CACNG3: variants seen among roughly 807,000 people sequenced by gnomAD.
CACNG3 encodes voltage-dependent calcium channel gamma-3 subunit.
Under a neutral mutation model 28.5 loss-of-function variants are expected in CACNG3, and 3 were observed. The ratio of observed to expected loss-of-function variants is 0.11; its 90% CI spans 0.05 to 0.27. The LOEUF (loss-of-function observed/expected upper bound fraction) is 0.27, where lower values mean the gene tolerates loss of function less well. Among genes scored for constraint, CACNG3 ranks in the 10% least tolerant of loss-of-function variants. CACNG3 has a pLI of 1.00. For synonymous variants in CACNG3, 174 were observed against 162.2 expected (o/e 1.07, Z -0.55); for missense variants, 236 against 414.4 (o/e 0.57, Z 3.74).
intron 2 of CACNG3, among the ~76,000 whole-genome samples, chr16:24,352,511 T>C (rs1338475094): frequency 4.9e-5 from 7 of 142,718 alleles, no homozygotes; most frequent in Non-Finnish European, 1.1e-4. Flanking sequence ...GCCTGGGTTA[T>C]GGGGTTTTTT....
intron 1 of CACNG3, among the ~76,000 whole-genome samples, chr16:24,328,296 G>T (rs1899584860): frequency 6.6e-6 from 1 of 151,412 alleles, no homozygotes; most frequent in Non-Finnish European, 1.5e-5. Flanking sequence ...TGAGGCTGAG[G>T]GTGCTCGTGC....
intron 1 of CACNG3, among the ~76,000 whole-genome samples, chr16:24,276,054 G>A (rs1567208465): frequency 2.0e-5 from 3 of 152,148 alleles, no homozygotes; most frequent in Non-Finnish European, 2.9e-5. Context: ...TTCAAATACT[G>A]CTCTATTTGT....
chr16:24,293,583 T>G lies in CACNG3; in HGVS notation c.211+36618T>G, dbSNP rs562338103. ...CTAAGAAACTATGTCAGAATACAAT[T>G]GAGTGACAATAGAACCCGCCCTCAT... On this transcript the variant is annotated intron_variant, in intron 1 of 3. Coordinates refer to ENST00000005284, the MANE Select transcript of CACNG3 (RefSeq NM_006539.4). Among the ~76,000 whole-genome samples, 64 of 152,290 alleles carry G rather than the reference T, an allele frequency of 4.2e-4. 1 individual carries two copies. The highest frequency in any genetic ancestry group is 7.1e-4 in the Non-Finnish European group (48 of 68,026).
chr16:24,273,282 C>T (rs573405747), intron 1 of CACNG3, among the ~76,000 whole-genome samples: 200 of 152,088 alleles, frequency 1.3e-3, no homozygotes, highest in Non-Finnish European at 2.2e-3. Context: ...ATGTTCATCC[C>T]TCTATTTCTT....
chr16:24,356,022 C>T (rs1258727668), intron 3 of CACNG3, among the ~76,000 whole-genome samples: 1 of 152,172 alleles, frequency 6.6e-6, no homozygotes, highest in East Asian at 1.9e-4. Flanking sequence ...CTCCCTCCAC[C>T]TCCATCCCTT....
intron 1 of CACNG3, among the ~76,000 whole-genome samples, chr16:24,337,071 C>T (rs558828771): frequency 6.6e-6 from 1 of 152,156 alleles, no homozygotes; most frequent in East Asian, 1.9e-4. Context: ...GCCTTGGCCT[C>T]CAAAAGTGCT....
intron 1 of CACNG3, among the ~76,000 whole-genome samples, chr16:24,268,563 AG>A (rs1300323747): frequency 6.6e-6 from 1 of 152,256 alleles, no homozygotes; most frequent in Non-Finnish European, 1.5e-5. Context: ...CCAGAAAGCA[AG>A]GTCAAGGAAA....
chr16:24,295,632 A>AGC (rs1755905634), intron 1 of CACNG3, among the ~76,000 whole-genome samples: 1 of 152,200 alleles, frequency 6.6e-6, no homozygotes, highest in African/African-American at 2.4e-5. Flanking sequence ...AGATTACTTG[A>AGC]GCCTAGGAGT....
At chr16:24,323,553 T>C (rs1899494783) in intron 1 of CACNG3, among the ~76,000 whole-genome samples, 1 of 152,230 alleles carries the variant, frequency 6.6e-6, no homozygotes, top group African/African-American at 2.4e-5. Flanking sequence ...TAGGGGGTAG[T>C]ACCAGGATGC....
At chr16:24,307,026 G>T (rs111561140) in intron 1 of CACNG3, among the ~76,000 whole-genome samples, 1 of 152,148 alleles carries the variant, frequency 6.6e-6, no homozygotes, top group Non-Finnish European at 1.5e-5. Context: ...GGTCACACCC[G>T]CTTCCCAGAG....
chr16:24,345,223 C>G (rs530749631), intron 1 of CACNG3, among the ~76,000 whole-genome samples: 1 of 152,280 alleles, frequency 6.6e-6, no homozygotes, highest in South Asian at 2.1e-4. Flanking sequence ...GAACCTTGTC[C>G]GTTTCCCACG....
chr16:24,327,126 CAAAAAAAAAAAAA>C (rs57918697), intron 1 of CACNG3, among the ~76,000 whole-genome samples: 6 of 35,818 alleles, frequency 1.7e-4, no homozygotes, highest in African/African-American at 4.0e-4. Flanking sequence ...GGCTCCAAAC[CAAAAAAAAAAAAA>C]AAAAAAAAAA....
At chr16:24,295,571 G>T (rs1292210989) in intron 1 of CACNG3, among the ~76,000 whole-genome samples, 4 of 152,166 alleles carry the variant, frequency 2.6e-5, no homozygotes, top group African/African-American at 9.7e-5. Flanking sequence ...TTAATGCCAG[G>T]TGTGGTGGCT....
chr16:24,342,701 A>G (rs1899808090), intron 1 of CACNG3, among the ~76,000 whole-genome samples: 1 of 152,262 alleles, frequency 6.6e-6, no homozygotes, highest in Non-Finnish European at 1.5e-5. Context: ...TTGAAGCAAT[A>G]TAAACAAATG....
chr16:24,297,379 TG>T (rs1441221991), intron 1 of CACNG3, among the ~76,000 whole-genome samples: 1 of 152,192 alleles, frequency 6.6e-6, no homozygotes, highest in Non-Finnish European at 1.5e-5. Flanking sequence ...GAAGCTGCTC[TG>T]GGGATCCTAA....
At chr16:24,334,011 T>C (rs4788012) in intron 1 of CACNG3, among the ~76,000 whole-genome samples, 115,717 of 152,160 alleles carry the variant, frequency 0.76, 44,128 homozygotes, top group Middle Eastern at 0.86. Flanking sequence ...GTAAGGCATC[T>C]TTATTCTCAG....
rs377532723 is a variant in CACNG3 at position 24,287,620 on chromosome 16, C to T, written c.211+30655C>T. On this transcript the variant is annotated intron_variant, in intron 1 of 3. Coordinates refer to ENST00000005284, the MANE Select transcript of CACNG3 (RefSeq NM_006539.4). ...ACTTGTTAAACCTTCAGCAATTTTC[C>T]TGAGACTCTCCAAGACTCATGGTCT... Among the ~76,000 whole-genome samples, 5 of 152,056 alleles carry T rather than the reference C, an allele frequency of 3.3e-5. No individual in the cohort carries two copies. In the South Asian group the frequency reaches 1.0e-3, roughly 32 times the overall value.
At chr16:24,308,120 G>C (rs1255385080) in intron 1 of CACNG3, among the ~76,000 whole-genome samples, 1 of 152,074 alleles carries the variant, frequency 6.6e-6, no homozygotes, top group East Asian at 1.9e-4. Context: ...AAAACTCCTG[G>C]GCATAAAACA....
At chr16:24,312,183 A>G (rs1343961200) in intron 1 of CACNG3, among the ~76,000 whole-genome samples, 3 of 152,194 alleles carry the variant, frequency 2.0e-5, no homozygotes, top group Non-Finnish European at 2.9e-5. Flanking sequence ...TCTAACATGT[A>G]TCTGAGGGAG....
Sources: allele counts gnomAD v4.1 joint callset (sites outside exome capture counted in the v4.1 genomes callset), GRCh38; gene constraint gnomAD v4.1.1; transcripts MANE v1.5; gene names NCBI Gene and HGNC (gene_info 2026-07-23, HGNC 2026-07-21).